Variants in GSDME observed in about 807,000 individuals in gnomAD.
GSDME encodes gasdermin-E.
In GSDME, 44 loss-of-function variants were observed where a neutral mutation model predicts 47.5. The observed-to-expected ratio is 0.93, with a 90% CI of 0.73 to 1.19. GSDME has a LOEUF of 1.19. GSDME is among the 50% of genes most tolerant of loss of function. GSDME has a pLI of 0.00. For synonymous variants in GSDME, 258 were observed against 252.8 expected (o/e 1.02, Z -0.20); for missense variants, 663 against 604.2 (o/e 1.10, Z -1.02).
Position 24,744,712 on chromosome 7 carries a change from G to A in GSDME, c.254C>T (p.Ala85Val). The A allele has an allele frequency of 6.2e-7, 1 of 1,614,114 alleles. No homozygotes were observed. The highest frequency in any genetic ancestry group is 8.5e-7 in the Non-Finnish European group (1 of 1,180,026). Residue 85 changes from alanine (A) to valine (V), a missense_variant, in exon 3 of 10, where the codon GCA becomes GTA. Ala to Val is a moderately conservative substitution (Grantham distance 64). Transcript: ENST00000645220. This position sits in a 1 kb window ranked among gnomAD's most constrained non-coding sequence, Gnocchi z 4.5. ...SDFVKYEGKF[A>V]NHVSGTLETA... ...CTCCAGGGTTCCACTCACGTGGTTTGCAAACTTGCCCTCGTATTTCACAAA... is the reference window on the plus strand; with the variant it reads ...CTCCAGGGTTCCACTCACGTGGTTTACAAACTTGCCCTCGTATTTCACAAA...
the GSDME span, among the ~76,000 whole-genome samples, chr7:24,774,733 A>C: frequency 6.6e-6 from 1 of 152,140 alleles, no homozygotes; most frequent in African/African-American, 2.4e-5. Flanking sequence ...GGGTTTCACC[A>C]TGTTGGTCAG....
rs565920046 is a variant in GSDME at position 24,724,659 on chromosome 7, A to G, written c.405-5441T>C. 1.3e-5 allele frequency: 2 copies of G among 152,368 alleles called. No homozygotes were observed. The highest frequency in any genetic ancestry group is 4.8e-5 in the African/African-American group (2 of 41,572). The allele number at this position is 152,368 out of a possible 1,614,324, so 9.4% of individuals were successfully genotyped here. ...GGCTCAACTCCGCCCACCCAGTTCTACTGTGAGGTTGCCCTTCTGCGCGTA... is the reference window on the plus strand; with the variant it reads ...GGCTCAACTCCGCCCACCCAGTTCTGCTGTGAGGTTGCCCTTCTGCGCGTA... On this transcript the variant is annotated intron_variant, in intron 3 of 9. Coordinates refer to ENST00000645220, the MANE Select transcript of GSDME (RefSeq NM_001127453.2). This position sits in a 1 kb window ranked among gnomAD's most constrained non-coding sequence, Gnocchi z 4.8.
intron 9 of GSDME, chr7:24,702,527 G>C: frequency 2.2e-6 from 1 of 459,474 alleles, no homozygotes; most frequent in Non-Finnish European, 4.2e-6. Context: ...AGACAAGGAT[G>C]AAGTCCTGGA....
chr7:24,749,674 A>G lies in GSDME; in HGVS notation c.101T>C (p.Leu34Pro), dbSNP rs1414036661. 1.9e-6 allele frequency: 3 copies of G among 1,614,134 alleles called. No homozygotes were observed. Among genetic ancestry groups the G allele is most frequent in the East Asian group, 2.2e-5 (1 of 44,888 alleles). The stretch of plus-strand genomic sequence containing the variant: ...TCTCTTCTTTTTTGTCACCAGACTT[A>G]GAAGCTGTAACTTATCAGAGTCATT... The part of the protein sequence containing the change: ...NLNDSDKLQL[L>P]SLVTKKKRFW... The change falls in exon 2 of 10, where the codon CTA (leucine) becomes CCA (proline). Residue 34 changes from leucine to proline, a missense_variant. Physicochemically the swap from Leu to Pro is moderately conservative, Grantham distance 98. Coordinates refer to ENST00000645220, the MANE Select transcript of GSDME (RefSeq NM_001127453.2).
intron 1 of GSDME, among the ~76,000 whole-genome samples, chr7:24,755,850 CAT>C (rs1312745932): frequency 6.6e-6 from 1 of 152,210 alleles, no homozygotes; most frequent in East Asian, 1.9e-4. Context: ...TGCTATGGAA[CAT>C]GTGTCATTTC....
chr7:24,760,652 TA>T (rs1791153005), upstream of GSDME, among the ~76,000 whole-genome samples: 1 of 152,204 alleles, frequency 6.6e-6, no homozygotes, highest in African/African-American at 2.4e-5. The surrounding 1 kb of genome is among the most constrained non-coding windows in gnomAD (Gnocchi z 4.2). Context: ...CCTTTTACCA[TA>T]TTGATTGCTT....
chr7:24,750,537 C>T (rs1278994768), intron 1 of GSDME, among the ~76,000 whole-genome samples: 2 of 152,128 alleles, frequency 1.3e-5, no homozygotes, highest in African/African-American at 4.8e-5. Flanking sequence ...TGCTTGAGCC[C>T]AGGAGTTCAA....
chr7:24,710,540 C>G, intron 5 of GSDME, 152 bp from the exon 6 acceptor site: 1 of 712,222 alleles, frequency 1.4e-6, no homozygotes, highest in South Asian at 1.7e-5. Context: ...AATTCGATCC[C>G]TACACACATT....
the GSDME span, among the ~76,000 whole-genome samples, chr7:24,769,733 T>C: frequency 2.6e-5 from 4 of 152,120 alleles, no homozygotes; most frequent in Non-Finnish European, 4.4e-5. Flanking sequence ...TTGCGAGGCA[T>C]GCTGAAAAGT....
the GSDME span, among the ~76,000 whole-genome samples, chr7:24,793,220 G>T: frequency 1.3e-5 from 2 of 152,008 alleles, no homozygotes; most frequent in African/African-American, 4.8e-5. Context: ...CTGACCATAA[G>T]GTAAGATTTT....
At chr7:24,772,266 G>A in the GSDME span, among the ~76,000 whole-genome samples, 1 of 152,278 alleles carries the variant, frequency 6.6e-6, no homozygotes, top group East Asian at 1.9e-4. The surrounding 1 kb of genome is among the most constrained non-coding windows in gnomAD (Gnocchi z 4.5). Flanking sequence ...TCATGTGGCT[G>A]CATCTTGCTT....
chr7:24,708,141 C>T lies in GSDME; in HGVS notation c.976G>A (p.Val326Ile). The change falls in exon 7 of 10, where the codon GTC becomes ATC. Residue 326 changes from valine to isoleucine, a missense_variant. Coordinates refer to ENST00000645220, the MANE Select transcript of GSDME (RefSeq NM_001127453.2). ...AVLFDDELLMVLEPVCDDLVS... is the reference protein window; with the variant it reads ...AVLFDDELLMILEPVCDDLVS... Reference sequence around the variant, plus strand: ...TCAGGGCTCACCACTGGTTCCAGGACCATGAGTAGTTCATCATCAAATAGG... The same window carrying T: ...TCAGGGCTCACCACTGGTTCCAGGATCATGAGTAGTTCATCATCAAATAGG... 6.2e-7 allele frequency: 1 copy of T among 1,614,138 alleles called. No homozygotes were observed. The highest frequency in any genetic ancestry group is 1.1e-5 in the South Asian group (1 of 91,084).
chr7:24,712,089 T>C lies in GSDME; in HGVS notation c.698-1701A>G, dbSNP rs893888130. Among the ~76,000 whole-genome samples, 9 of 152,196 alleles carry C rather than the reference T, an allele frequency of 5.9e-5. No individual in the cohort carries two copies. ...ATTAGCAAATATTTTCATTTGCTTGTGGGCATTAATGATGCTCATAAAGAT... is the reference window on the plus strand; with the variant it reads ...ATTAGCAAATATTTTCATTTGCTTGCGGGCATTAATGATGCTCATAAAGAT... On this transcript the variant is annotated intron_variant, in intron 5 of 9. Transcript: ENST00000645220. This position sits in a 1 kb window ranked among gnomAD's most constrained non-coding sequence, Gnocchi z 4.4.
At position 24,757,034 on chromosome 7, in the gene GSDME, G is replaced by A. The variant is rs1349438589; in HGVS notation, c.-20+362C>T. 6.6e-6 allele frequency among the ~76,000 whole-genome samples: 1 copy of A among 152,124 alleles called. No individual in the cohort carries two copies. The highest frequency in any genetic ancestry group is 2.4e-5 in the African/African-American group (1 of 41,428). On this transcript the variant is annotated intron_variant, in intron 1 of 9. Coordinates refer to ENST00000645220, the MANE Select transcript of GSDME (RefSeq NM_001127453.2). This position sits in a 1 kb window ranked among gnomAD's most constrained non-coding sequence, Gnocchi z 5.9. ...AAAGGATGAACGAATGGGGAGGGGGGGTTTGGGGGGTTGGGAGAACGAAAA... is the reference window on the plus strand; with the variant it reads ...AAAGGATGAACGAATGGGGAGGGGGAGTTTGGGGGGTTGGGAGAACGAAAA...
intron 9 of GSDME, among the ~76,000 whole-genome samples, chr7:24,701,728 A>C (rs980507511): frequency 6.6e-6 from 1 of 152,204 alleles, no homozygotes; most frequent in African/African-American, 2.4e-5. Context: ...CAGGACACAC[A>C]TGCTGGCACA....
chr7:24,750,311 A>C (rs1164641918), intron 1 of GSDME, among the ~76,000 whole-genome samples: 1 of 152,166 alleles, frequency 6.6e-6, no homozygotes, highest in Non-Finnish European at 1.5e-5. Context: ...AGAAAATACA[A>C]TTTTATCAAG....
the GSDME span, among the ~76,000 whole-genome samples, chr7:24,793,701 T>A: frequency 1.3e-5 from 2 of 152,124 alleles, no homozygotes; most frequent in Admixed American, 6.5e-5. Context: ...CAAACATCCC[T>A]TTCTTTAAAC....
At chr7:24,770,627 A>C in the GSDME span, among the ~76,000 whole-genome samples, 1 of 152,196 alleles carries the variant, frequency 6.6e-6, no homozygotes, top group African/African-American at 2.4e-5. The surrounding 1 kb of genome is among the most constrained non-coding windows in gnomAD (Gnocchi z 4.6). Flanking sequence ...AGAGAATTGC[A>C]GAATCAGAGA....
chr7:24,719,291 A>G, intron 3 of GSDME, 73 bp from the exon 4 acceptor site: 1 of 1,509,448 alleles, frequency 6.6e-7, no homozygotes, highest in East Asian at 2.3e-5. Context: ...TTCCTCTTGC[A>G]CAGCAGGCAG....
Sources: allele counts gnomAD v4.1 joint callset (sites outside exome capture counted in the v4.1 genomes callset), GRCh38; gene constraint gnomAD v4.1.1; non-coding constraint Gnocchi (gnomAD v3.1); transcripts MANE v1.5; gene names NCBI Gene and HGNC (gene_info 2026-07-23, HGNC 2026-07-21).